The following ATF3 variants were observed in gnomAD, a reference collection of about 807,000 sequenced individuals.
The protein encoded by ATF3 is activating transcription factor 3.
ATF3 carries 10 observed loss-of-function variants against 18.4 expected under a neutral mutation model. The ratio of observed to expected loss-of-function variants is 0.54; its 90% confidence interval spans 0.34 to 0.92. The LOEUF (loss-of-function observed/expected upper bound fraction) is 0.92, where lower values mean the gene tolerates loss of function less well. ATF3 is among the 40% of genes least tolerant of loss of function. ATF3 has a pLI of 0.02. For synonymous variants in ATF3, 78 were observed against 87.9 expected (o/e 0.89, Z 0.63); for missense variants, 183 against 222.3 (o/e 0.82, Z 1.12).
Position 212,619,262 on chromosome 1 carries a change from C to A in ATF3, c.349-96C>A. Reference sequence around the variant, plus strand: ...CGCAGCTTGATGAGCCCCGGTGTGTCCCAGGTACACCCCTGCATCCAGGCA... The same window carrying A: ...CGCAGCTTGATGAGCCCCGGTGTGTACCAGGTACACCCCTGCATCCAGGCA... On this transcript the variant is annotated intron_variant, in intron 3 of 3. Transcript: ENST00000341491. This position sits in a 1 kb window ranked among gnomAD's most constrained non-coding sequence, Gnocchi z 4.4. 5 of 1,611,264 alleles carry A rather than the reference C, an allele frequency of 3.1e-6. No homozygotes were observed. Among genetic ancestry groups the A allele is most frequent in the South Asian group, 1.1e-5 (1 of 90,430 alleles).
chr1:212,586,245 A>T (rs963014623), intron 1 of ATF3, among the ~76,000 whole-genome samples: 10 of 152,138 alleles, frequency 6.6e-5, no homozygotes, highest in African/African-American at 2.2e-4. Flanking sequence ...AGTTTCTATT[A>T]TCTCTTGACC....
chr1:212,600,499 G>A (rs1254522020), intron 1 of ATF3, among the ~76,000 whole-genome samples: 3 of 152,222 alleles, frequency 2.0e-5, no homozygotes, highest in African/African-American at 7.2e-5. Flanking sequence ...GCATGTGCCT[G>A]GAACTGTGCA....
chr1:212,614,934 G>T (rs1311921910), intron 1 of ATF3, 84 bp from the exon 2 acceptor site: 1 of 1,612,108 alleles, frequency 6.2e-7, no homozygotes, highest in Non-Finnish European at 8.5e-7. Flanking sequence ...TGGGGCTCTG[G>T]TGTTGGAGGT....
At chr1:212,568,371 C>G (rs889206537) in intron 1 of ATF3, among the ~76,000 whole-genome samples, 1 of 152,078 alleles carries the variant, frequency 6.6e-6, no homozygotes, top group East Asian at 1.9e-4. Flanking sequence ...TTTATTAAGC[C>G]TCGTCTCTTG....
At position 212,595,611 on chromosome 1, in the gene ATF3, TAGATG is replaced by T. The variant is rs57437946; in HGVS notation, c.-4-19406_-4-19402del. ...AAACCATTACTCGAATTGGGATGGA[TAGATG>T]CTGAATGGCCAAGAAACAAAAATAT... On this transcript the variant is annotated intron_variant, in intron 1 of 3. Coordinates refer to the ATF3 transcript ENST00000366981. 8.2e-3 allele frequency among the ~76,000 whole-genome samples: 1,256 copies of T among 152,250 alleles called. 25 individuals are homozygous for T. Among genetic ancestry groups the T allele is most frequent in the African/African-American group, 0.029 (1,200 of 41,516 alleles).
intron 1 of ATF3, among the ~76,000 whole-genome samples, chr1:212,601,765 G>C (rs1571776664): frequency 6.6e-6 from 1 of 152,274 alleles, no homozygotes; most frequent in African/African-American, 2.4e-5. Context: ...TTTAAAATCA[G>C]TCAGTAAGCC....
intron 1 of ATF3, among the ~76,000 whole-genome samples, chr1:212,600,798 C>G (rs1183895533): frequency 6.6e-6 from 1 of 152,208 alleles, no homozygotes; most frequent in Non-Finnish European, 1.5e-5. Flanking sequence ...ATATGCATCA[C>G]TGTGTACCTG....
chr1:212,587,210 A>G (rs1473887520), intron 1 of ATF3, among the ~76,000 whole-genome samples: 1 of 152,238 alleles, frequency 6.6e-6, no homozygotes, highest in Non-Finnish European at 1.5e-5. Flanking sequence ...GAATCCTACA[A>G]TAATAATACC....
At position 212,618,680 on chromosome 1, in the gene ATF3, T is replaced by C. The variant is rs184547549; in HGVS notation, c.348+446T>C. The C allele has an allele frequency of 1.9e-5, 8 of 426,694 alleles. No individual in the cohort carries two copies. The Admixed American group carries it at 2.2e-4, about 12-fold the overall frequency. The allele number at this position is 426,694 out of a possible 1,614,324, so 26.4% of individuals were successfully genotyped here. ...AGTGGTTACACTTGCTTTGCATTCT[T>C]GTCTGGTTCCTAACTCTAGAGCCCT... is the stretch of plus-strand genomic sequence containing the variant. On this transcript the variant is annotated intron_variant, in intron 3 of 3. Transcript: ENST00000341491. This position sits in a 1 kb window ranked among gnomAD's most constrained non-coding sequence, Gnocchi z 4.4.
chr1:212,576,716 CTTTTCT>C (rs1428529445), intron 1 of ATF3, among the ~76,000 whole-genome samples: 133 of 78,246 alleles, frequency 1.7e-3, no homozygotes, highest in African/African-American at 5.4e-3. Flanking sequence ...CTTTTCTTTT[CTTTTCT>C]TTTTTTTTTT....
At chr1:212,588,746 A>G (rs115690524) in intron 1 of ATF3, among the ~76,000 whole-genome samples, 52 of 152,264 alleles carry the variant, frequency 3.4e-4, no homozygotes, top group African/African-American at 1.0e-3. Context: ...ATATTTATAA[A>G]TCATGTGTGT....
intron 1 of ATF3, among the ~76,000 whole-genome samples, chr1:212,572,243 G>A (rs896244398): frequency 6.6e-6 from 1 of 152,076 alleles, no homozygotes; most frequent in African/African-American, 2.4e-5. Flanking sequence ...GTTGCCGGGC[G>A]TGGTGGTTCA....
At chr1:212,574,726 A>C (rs915826409) in intron 1 of ATF3, among the ~76,000 whole-genome samples, 2 of 152,106 alleles carry the variant, frequency 1.3e-5, no homozygotes, top group Non-Finnish European at 2.9e-5. Context: ...TTACTCCCAT[A>C]TGGATAACCA....
chr1:212,604,976 C>G (rs1255167103), upstream of ATF3, among the ~76,000 whole-genome samples: 1 of 152,150 alleles, frequency 6.6e-6, no homozygotes, highest in Non-Finnish European at 1.5e-5. Flanking sequence ...CCCGCCCCCT[C>G]TTGATTGTCA....
chr1:212,573,103 A>T (rs959407349), intron 1 of ATF3, among the ~76,000 whole-genome samples: 1 of 152,124 alleles, frequency 6.6e-6, no homozygotes, highest in Non-Finnish European at 1.5e-5. Flanking sequence ...GTGTTTGTGC[A>T]TCTTATTTTT....
intron 1 of ATF3, among the ~76,000 whole-genome samples, chr1:212,586,427 T>A (rs1371658552): frequency 6.6e-6 from 1 of 152,070 alleles, no homozygotes; most frequent in East Asian, 1.9e-4. Flanking sequence ...AAGTGCAGAG[T>A]TAATGACGTA....
upstream of ATF3, among the ~76,000 whole-genome samples, chr1:212,605,590 A>G (rs578177662): frequency 5.3e-5 from 8 of 152,342 alleles, no homozygotes; most frequent in South Asian, 1.7e-3. Context: ...TGTGCACTGA[A>G]CTAAGAAACT....
intron 1 of ATF3, among the ~76,000 whole-genome samples, chr1:212,593,438 A>T (rs80312077): frequency 3.1e-5 from 4 of 128,486 alleles, no homozygotes; most frequent in African/African-American, 4.2e-5. Context: ...CTTAAAGTAT[A>T]AAAAAAAAAA....
At position 212,587,174 on chromosome 1, in the gene ATF3, A is replaced by G. The variant is rs11119979; in HGVS notation, c.-5+21691A>G. ...GGAAGCTAAAAAATAGAGGAAAGTG[A>G]TGTATTTAAAAGACCGTGTTTGATA... On this transcript the variant is annotated intron_variant, in intron 1 of 3. Transcript: ENST00000366981. Among the ~76,000 whole-genome samples, 367 of 152,344 alleles carry G rather than the reference A, an allele frequency of 2.4e-3. 16 individuals are homozygous for G. In the East Asian group the frequency reaches 0.052, roughly 22 times the overall value.
Sources: allele counts gnomAD v4.1 joint callset (sites outside exome capture counted in the v4.1 genomes callset), GRCh38; gene constraint gnomAD v4.1.1; non-coding constraint Gnocchi (gnomAD v3.1); transcripts MANE v1.5; gene names NCBI Gene and HGNC (gene_info 2026-07-23, HGNC 2026-07-21).